ZNF346: variants seen among roughly 807,000 people sequenced by gnomAD.
ZNF346 encodes double-stranded RNA-binding zinc finger protein JAZ.
ZNF346 carries 23 observed loss-of-function variants against 33.7 expected under a neutral mutation model. The observed-to-expected ratio is 0.68, with a 90% confidence interval of 0.49 to 0.97. The LOEUF (loss-of-function observed/expected upper bound fraction) is 0.97, where lower values mean the gene tolerates loss of function less well. Ranked by LOEUF, ZNF346 falls within the 50% of genes least tolerant of loss-of-function variation. ZNF346 has a pLI of 0.00. For synonymous variants in ZNF346, 134 were observed against 142.4 expected (o/e 0.94, Z 0.42); for missense variants, 340 against 371.1 (o/e 0.92, Z 0.69).
chr5:177,034,613 C>T (rs1778216577), intron 1 of ZNF346, among the ~76,000 whole-genome samples: 1 of 152,220 alleles, frequency 6.6e-6, no homozygotes, highest in South Asian at 2.1e-4. Context: ...AAAAGCAGCC[C>T]TGTGCTTCAT....
At position 177,058,180 on chromosome 5, in the gene ZNF346, CA is replaced by C. The variant is rs918939905; in HGVS notation, c.704-3867del. 2.1e-3 allele frequency among the ~76,000 whole-genome samples: 297 copies of C among 141,100 alleles called. 1 individual carries two copies. Among genetic ancestry groups the C allele is most frequent in the African/African-American group, 5.6e-3 (219 of 38,890 alleles). The allele number at this position is 141,100 out of a possible 152,430, so 92.6% of individuals were successfully genotyped here. A position where few individuals can be genotyped will look rare whatever the true frequency, so the allele number is the denominator to read the frequency against. On this transcript the variant is annotated intron_variant, in intron 5 of 6. Coordinates refer to ENST00000358149, the MANE Select transcript of ZNF346 (RefSeq NM_012279.4). Reference sequence around the variant, plus strand: ...AAGAATATCGATACTTTTTTTATTTCAAAAAAAAAAATAGCTGGGCGCGGTG... The same window carrying C: ...AAGAATATCGATACTTTTTTTATTTCAAAAAAAAAATAGCTGGGCGCGGTG...
In ZNF346 at chr5:177,028,494, TTTTATATATA is replaced by T. The variant is rs1413716447; in HGVS notation, c.175+5583_175+5592del. ...ATTTCTCTCTTAAGCACTTGTGACG[TTTTATATATA>T]TATATATATATATATATTTCCCTCC... On this transcript the variant is annotated intron_variant, in intron 1 of 6. Transcript: ENST00000358149. Among the ~76,000 whole-genome samples, 121 of 45,994 alleles carry T rather than the reference TTTTATATATA, an allele frequency of 2.6e-3. 4 individuals are homozygous for T. The highest frequency in any genetic ancestry group is 6.4e-3 in the African/African-American group (111 of 17,392). 30.2% of individuals were successfully genotyped at this position (45,994 alleles called of 152,430 possible).
intron 1 of ZNF346, among the ~76,000 whole-genome samples, chr5:177,032,654 G>A (rs894059006): frequency 3.3e-5 from 5 of 152,032 alleles, no homozygotes; most frequent in Admixed American, 6.6e-5. Context: ...CAGGTGATCC[G>A]CCCGCCTCGG....
At position 177,041,224 on chromosome 5, in the gene ZNF346, T is replaced by G. The variant is rs769697336; in HGVS notation, c.274T>G (p.Tyr92Asp). 1.2e-6 allele frequency: 2 copies of G among 1,612,954 alleles called. No individual in the cohort carries two copies. The highest frequency in any genetic ancestry group is 2.2e-5 in the South Asian group (2 of 91,052). ...LISESQKLAH[Y>D]QSKKHANKVK... is the part of the protein sequence containing the mutation. Reference sequence around the variant, plus strand: ...TTCTGAGTCCCAGAAGCTGGCACATTACCAGGTATGCCATCATACTTTTAG... The same window carrying G: ...TTCTGAGTCCCAGAAGCTGGCACATGACCAGGTATGCCATCATACTTTTAG... The change falls in exon 2 of 7, where the codon TAC becomes GAC. Residue 92 changes from tyrosine to aspartate, a missense_variant. By Grantham distance (160) the Tyr-to-Asp change is radical (BLOSUM62 -3). Coordinates refer to ENST00000358149, the MANE Select transcript of ZNF346 (RefSeq NM_012279.4).
chr5:177,030,786 C>A (rs1225289676), intron 1 of ZNF346, among the ~76,000 whole-genome samples: 1 of 152,092 alleles, frequency 6.6e-6, no homozygotes, highest in Non-Finnish European at 1.5e-5. Flanking sequence ...TAGGAGCAAT[C>A]ATCCCTGGCA....
At chr5:177,068,783 CA>C (rs1345535936), downstream of ZNF346, among the ~76,000 whole-genome samples, 1 of 142,184 alleles carries the variant, frequency 7.0e-6, no homozygotes, top group Non-Finnish European at 1.5e-5. Context: ...GGAATGGATG[CA>C]GGGGGAGGGG....
At chr5:177,042,765 C>G (rs1779510752) in intron 3 of ZNF346, among the ~76,000 whole-genome samples, 2 of 152,178 alleles carry the variant, frequency 1.3e-5, no homozygotes, top group Non-Finnish European at 2.9e-5. Flanking sequence ...GGACCTGGCT[C>G]TGTTACCCAG....
At chr5:177,050,599 G>T in intron 4 of ZNF346, 152 bp from the exon 5 acceptor site, 1 of 734,928 alleles carries the variant, frequency 1.4e-6, no homozygotes. Context: ...TGCCACATCT[G>T]CAGTAGGATT....
chr5:177,048,628 A>G (rs1780422911), intron 4 of ZNF346, among the ~76,000 whole-genome samples: 1 of 152,154 alleles, frequency 6.6e-6, no homozygotes, highest in Non-Finnish European at 1.5e-5. Flanking sequence ...TCTCAAAAAG[A>G]AAAAAAAGAA....
chr5:177,037,218 C>T (rs1178042171), intron 1 of ZNF346, among the ~76,000 whole-genome samples: 1 of 152,184 alleles, frequency 6.6e-6, no homozygotes, highest in Non-Finnish European at 1.5e-5. Flanking sequence ...AACTTCGCTT[C>T]CTCTGCCTGA....
intron 1 of ZNF346, among the ~76,000 whole-genome samples, chr5:177,036,188 T>C (rs1778488472): frequency 6.6e-6 from 1 of 152,026 alleles, no homozygotes; most frequent in Admixed American, 6.6e-5. Context: ...TGGCCAGACA[T>C]CTCTCTTTTC....
chr5:177,022,922 G>C lies in ZNF346; in HGVS notation c.175+9G>C. The C allele has an allele frequency of 4.1e-6, 6 of 1,461,850 alleles. No homozygotes were observed. The highest frequency in any genetic ancestry group is 4.5e-6 in the Non-Finnish European group (5 of 1,107,388). The allele number at this position is 1,461,850 out of a possible 1,614,324, so 90.6% of individuals were successfully genotyped here. A position where few individuals can be genotyped will look rare whatever the true frequency, so the allele number is the denominator to read the frequency against. ...GGTGGGTAGAGAGGAAGGTGAGTCG[G>C]GGGCTTTGGAGGCAGAAAGCCCCTC... On this transcript the variant is annotated intron_variant, in intron 1 of 6. Transcript: ENST00000358149.
intron 1 of ZNF346, among the ~76,000 whole-genome samples, chr5:177,024,200 CT>C (rs781744965): frequency 1.5e-4 from 13 of 86,898 alleles, no homozygotes; most frequent in Non-Finnish European, 2.0e-4. Flanking sequence ...GCCCTCTCTC[CT>C]TTTTTTTTTT....
In ZNF346 at chr5:177,066,779, C is replaced by A. The variant is rs1783206270; in HGVS notation, c.*2180C>A. 6.6e-6 allele frequency among the ~76,000 whole-genome samples: 1 copy of A among 151,688 alleles called. No homozygotes were observed. The highest frequency in any genetic ancestry group is 2.4e-5 in the African/African-American group (1 of 41,274). On this transcript the variant is annotated 3_prime_UTR_variant, in exon 7 of 7. Coordinates refer to ENST00000358149, the MANE Select transcript of ZNF346 (RefSeq NM_012279.4). ...AAAATTATAAAAATAAATTTGAAGG[C>A]TGGGCGCCGTGGCTCACGCCTGTAA...
At chr5:177,029,713 A>G (rs1777393423) in intron 1 of ZNF346, among the ~76,000 whole-genome samples, 1 of 152,246 alleles carries the variant, frequency 6.6e-6, no homozygotes, top group Non-Finnish European at 1.5e-5. Context: ...GGGATCTTAC[A>G]CATTCACACG....
chr5:177,023,080 GC>G, intron 1 of ZNF346, 167 bp downstream of exon 1: 3 of 1,430,466 alleles, frequency 2.1e-6, no homozygotes, highest in Non-Finnish European at 1.9e-6. Context: ...CAAGAATCGG[GC>G]CCCCAGCGCG....
intron 1 of ZNF346, 74 bp downstream of exon 1, chr5:177,022,987 C>A (rs967107621): frequency 7.0e-7 from 1 of 1,433,088 alleles, no homozygotes. Context: ...GAAGCGCCGA[C>A]GGTCACACCC....
chr5:177,046,403 G>A (rs1214071021), intron 4 of ZNF346, among the ~76,000 whole-genome samples: 1 of 151,072 alleles, frequency 6.6e-6, no homozygotes, highest in African/African-American at 2.4e-5. Flanking sequence ...TTTCATACTC[G>A]AGATTATTTT....
At chr5:177,056,880 G>A (rs997684691) in intron 5 of ZNF346, among the ~76,000 whole-genome samples, 1 of 152,072 alleles carries the variant, frequency 6.6e-6, no homozygotes, top group African/African-American at 2.4e-5. Context: ...AAACCTGCAC[G>A]TTGTGCACAT....
Sources: allele counts gnomAD v4.1 joint callset (sites outside exome capture counted in the v4.1 genomes callset), GRCh38; gene constraint gnomAD v4.1.1; transcripts MANE v1.5; gene names NCBI Gene and HGNC (gene_info 2026-07-23, HGNC 2026-07-21).